Variants in USP33 observed in about 807,000 individuals in gnomAD.
USP33 encodes the protein ubiquitin specific peptidase 33, also known as ubiquitin carboxyl-terminal hydrolase 33.
In USP33, 46 loss-of-function variants were observed where a neutral mutation model predicts 124.2. That is an observed-to-expected ratio of 0.37 (90% CI 0.29 to 0.47). The LOEUF (loss-of-function observed/expected upper bound fraction) is 0.47. Among genes scored for constraint, USP33 ranks in the 20% least tolerant of loss-of-function variants. The probability of loss-of-function intolerance (pLI) is 0.99; values close to 1 mark genes in which losing one functional copy is unlikely to be tolerated. For synonymous variants in USP33, 350 were observed against 352.3 expected, an observed-to-expected ratio of 0.99 and a Z score of 0.07; for missense variants, 851 against 1,070.6, an observed-to-expected ratio of 0.79 and a Z score of 2.86.
intron 17 of USP33, among the ~76,000 whole-genome samples, chr1:77,717,179 T>TA (rs1676014971): frequency 6.6e-6 from 1 of 150,608 alleles, no homozygotes; most frequent in African/African-American, 2.4e-5. Flanking sequence ...CACATAATCT[T>TA]AAAAAATCCA....
chr1:77,710,945 G>A (rs1046252282), intron 21 of USP33, among the ~76,000 whole-genome samples: 8 of 151,836 alleles, frequency 5.3e-5, no homozygotes, highest in Non-Finnish European at 1.0e-4. Flanking sequence ...CATAAAACCT[G>A]GTTGTTCATG....
chr1:77,722,149 A>G lies in USP33; in HGVS notation c.1437T>C (p.Pro479=). The G allele has an allele frequency of 1.2e-6, 2 of 1,613,990 alleles. No individual in the cohort carries two copies. Among genetic ancestry groups the G allele is most frequent in the Non-Finnish European group, 1.7e-6 (2 of 1,179,912 alleles). The part of the protein sequence containing the change: ...ETFQDLSLPI[P]GKEDLAKLHS... ...GCAGCTTAGCAAGGTCTTCCTTGCCAGGAATTGGCAAGGACAGATCTTGAA... is the reference window on the plus strand; with the variant it reads ...GCAGCTTAGCAAGGTCTTCCTTGCCGGGAATTGGCAAGGACAGATCTTGAA... The change falls in exon 13 of 24, where the codon CCT becomes CCC. Residue 479 remains proline, a synonymous_variant. Coordinates refer to ENST00000370794, the MANE Select transcript of USP33 (RefSeq NM_201624.3).
intron 7 of USP33, among the ~76,000 whole-genome samples, chr1:77,733,676 T>C (rs961161563): frequency 6.6e-6 from 1 of 152,184 alleles, no homozygotes; most frequent in African/African-American, 2.4e-5. Flanking sequence ...ATTTCAAATA[T>C]TGGATTTTTG....
At chr1:77,727,233 T>C (rs1263255537) in intron 10 of USP33, among the ~76,000 whole-genome samples, 1 of 152,228 alleles carries the variant, frequency 6.6e-6, no homozygotes, top group African/African-American at 2.4e-5. Context: ...GCCAGATTTT[T>C]TTCATCAAGC....
intron 8 of USP33, among the ~76,000 whole-genome samples, chr1:77,730,145 C>T (rs1218133499): frequency 6.6e-6 from 1 of 152,186 alleles, no homozygotes; most frequent in Non-Finnish European, 1.5e-5. Flanking sequence ...TATCCTCCCT[C>T]AATTAAATGA....
chr1:77,717,633 TTTTC>T (rs1257181598), intron 17 of USP33: 16 of 285,782 alleles, frequency 5.6e-5, no homozygotes, highest in Non-Finnish European at 9.5e-5. Context: ...TTTTAACATT[TTTTC>T]TTTTATTCAG....
At chr1:77,753,014 G>A (rs937622456) in intron 1 of USP33, among the ~76,000 whole-genome samples, 13 of 152,092 alleles carry the variant, frequency 8.5e-5, no homozygotes, top group Non-Finnish European at 1.9e-4. Flanking sequence ...GCGAAGAGGA[G>A]GTCGAAGTGA....
chr1:77,700,540 C>G (rs1183082813), intron 22 of USP33, among the ~76,000 whole-genome samples: 1 of 152,134 alleles, frequency 6.6e-6, no homozygotes, highest in African/African-American at 2.4e-5. Context: ...GCTGAGAGTT[C>G]AGGGCTGCAG....
chr1:77,716,408 C>T (rs1675909278), intron 17 of USP33, among the ~76,000 whole-genome samples: 1 of 152,188 alleles, frequency 6.6e-6, no homozygotes. Flanking sequence ...ATAAAGTACA[C>T]TGACACAGAT....
At chr1:77,731,811 A>G (rs1677848613) in intron 7 of USP33, among the ~76,000 whole-genome samples, 1 of 152,190 alleles carries the variant, frequency 6.6e-6, no homozygotes, top group Non-Finnish European at 1.5e-5. Flanking sequence ...TCAGACTCAG[A>G]ATTTTGTCCC....
At chr1:77,758,693 A>G (rs1419527542) in intron 1 of USP33, among the ~76,000 whole-genome samples, 1 of 152,190 alleles carries the variant, frequency 6.6e-6, no homozygotes, top group Non-Finnish European at 1.5e-5. Context: ...TCCAAATAAG[A>G]CAGTAGGAAA....
chr1:77,740,998 T>A, intron 3 of USP33, 59 bp from the exon 4 acceptor site: 1 of 1,117,708 alleles, frequency 8.9e-7, no homozygotes, highest in South Asian at 1.6e-5. Context: ...TGTAAATTTA[T>A]AACAGCATTA....
intron 7 of USP33, among the ~76,000 whole-genome samples, chr1:77,731,113 A>C (rs570676206): frequency 6.6e-6 from 1 of 152,304 alleles, no homozygotes; most frequent in Non-Finnish European, 1.5e-5. Flanking sequence ...TGTAAACGTA[A>C]GGATTCCTCG....
At position 77,723,385 on chromosome 1, in the gene USP33, T is replaced by A. The variant is rs1294784410; in HGVS notation, c.1335A>T (p.Ser445=). Residue 445 remains serine (S), a synonymous_variant, in exon 12 of 24, where the codon TCA becomes TCT. Coordinates refer to ENST00000370794, the MANE Select transcript of USP33 (RefSeq NM_201624.3). ...TAATGATTGTTCCATCAAATATGTC[T>A]GAAATAACACTTCTGTATTTCTTGT... The part of the protein sequence containing the change: ...KQHKKYRSVI[S]DIFDGTIISS... 28 of 1,613,434 alleles carry A rather than the reference T, an allele frequency of 1.7e-5. No homozygotes were observed. The highest frequency in any genetic ancestry group is 2.3e-5 in the Non-Finnish European group (27 of 1,179,802).
At position 77,722,154 on chromosome 1, in the gene USP33, T is replaced by C; in HGVS notation, c.1432A>G (p.Ile478Val). 1.9e-6 allele frequency: 3 copies of C among 1,613,876 alleles called. No homozygotes were observed. Among genetic ancestry groups the C allele is most frequent in the Non-Finnish European group, 2.5e-6 (3 of 1,179,884 alleles). ...TTAGCAAGGTCTTCCTTGCCAGGAA[T>C]TGGCAAGGACAGATCTTGAAAGGTC... ...LETFQDLSLPIPGKEDLAKLH... is the reference protein window; with the variant it reads ...LETFQDLSLPVPGKEDLAKLH... The change falls in exon 13 of 24, where the codon ATT becomes GTT. Residue 478 changes from isoleucine (I) to valine (V), a missense_variant. Coordinates refer to ENST00000370794, the MANE Select transcript of USP33 (RefSeq NM_201624.3).
intron 21 of USP33, among the ~76,000 whole-genome samples, chr1:77,702,900 T>C (rs189800155): frequency 1.9e-4 from 29 of 152,000 alleles, no homozygotes; most frequent in African/African-American, 6.8e-4. Flanking sequence ...AATCTAATTG[T>C]AGTAGTGTGT....
chr1:77,708,017 T>A lies in USP33; in HGVS notation c.2406+3730A>T, dbSNP rs910332880. 8.5e-5 allele frequency among the ~76,000 whole-genome samples: 13 copies of A among 152,254 alleles called. No homozygotes were observed. The East Asian group carries it at 2.3e-3, about 27-fold the overall frequency. On this transcript the variant is annotated intron_variant, in intron 21 of 23. Coordinates refer to ENST00000370794, the MANE Select transcript of USP33 (RefSeq NM_201624.3). ...CTGGTGGGACTTTGGGTCTCCCAAA[T>A]ATGGGGAAAGGGCAAATGCAACACA...
rs1465242480 is a variant in USP33, at chr1:77,728,328, T to C, written c.1102A>G (p.Thr368Ala). 4 of 1,604,332 alleles carry C rather than the reference T, an allele frequency of 2.5e-6. No individual in the cohort carries two copies. The highest frequency in any genetic ancestry group is 3.4e-6 in the Non-Finnish European group (4 of 1,176,832). The change falls in exon 10 of 24, where the codon ACT (threonine) becomes GCT (alanine). Residue 368 changes from threonine (T) to alanine (A), a missense_variant. Around this residue, in one of 4 missense-constraint regions of USP33, gnomAD observed 207 missense variants for 200.9 expected, o/e 1.03. Coordinates refer to ENST00000370794, the MANE Select transcript of USP33 (RefSeq NM_201624.3). The stretch of plus-strand genomic sequence containing the variant: ...CTGCTGTGTATTTGCACTTTGACAG[T>C]TTCCTGGTTGTTTAAGTCGACTGTT... ...SETVDLNNQETVKVQIHSRAS... is the reference protein window; with the variant it reads ...SETVDLNNQEAVKVQIHSRAS...
chr1:77,711,118 G>C (rs1675200092), intron 21 of USP33, among the ~76,000 whole-genome samples: 1 of 151,924 alleles, frequency 6.6e-6, no homozygotes, highest in African/African-American at 2.4e-5. Context: ...ATGCAGTCTG[G>C]ATAGACTACA....
Sources: gnomAD v4.1 joint callset for allele counts (sites outside exome capture counted in the v4.1 genomes callset) on GRCh38, gnomAD v4.1.1 for gene constraint, gnomAD v4.1.1 regional missense constraint, MANE v1.5 for transcripts, NCBI Gene and HGNC (gene_info 2026-07-23, HGNC 2026-07-21) for gene names.